RALGAPA1: variants seen among roughly 807,000 people sequenced by gnomAD.
The protein encoded by RALGAPA1 is ral GTPase-activating protein subunit alpha-1.
RALGAPA1 carries 52 observed loss-of-function variants against 269.6 expected under a neutral mutation model. The ratio of observed to expected loss-of-function variants is 0.19; its 90% CI spans 0.15 to 0.24. The LOEUF is 0.24. Among genes scored for constraint, RALGAPA1 ranks in the 10% least tolerant of loss-of-function variants. The pLI is 1.00. For synonymous variants in RALGAPA1, 817 were observed against 1,008.3 expected (o/e 0.81, Z 3.60); for missense variants, 1,917 against 3,013.9 (o/e 0.64, Z 8.52).
intron 35 of RALGAPA1, among the ~76,000 whole-genome samples, chr14:35,616,208 G>T (rs1440335554): frequency 1.2e-4 from 19 of 152,078 alleles, no homozygotes; most frequent in Admixed American, 1.2e-3. Context: ...AGGAAGATCC[G>T]ATTTTGAAAA....
intron 1 of RALGAPA1, among the ~76,000 whole-genome samples, chr14:35,779,927 T>A (rs1238636397): frequency 1.3e-5 from 2 of 152,094 alleles, no homozygotes; most frequent in African/African-American, 4.8e-5. Context: ...ATTGAGACCA[T>A]CCTGGCCAAC....
Position 35,685,029 on chromosome 14 carries a change from T to C in RALGAPA1, c.4194A>G (p.Glu1398=). 6.2e-7 allele frequency: 1 copy of C among 1,611,396 alleles called. No homozygotes were observed. The highest frequency in any genetic ancestry group is 2.2e-5 in the East Asian group (1 of 44,776). The part of the protein sequence containing the change: ...RPIDDPGVPS[E]WTSPASAGSS... The stretch of plus-strand genomic sequence containing the variant: ...TCCCTGCACTGGCAGGAGAAGTCCA[T>C]TCTGAGGGCACACCTGGGTCATCAA... Residue 1398 remains glutamate (E), a synonymous_variant, in exon 20 of 42, where the codon GAA becomes GAG. Coordinates refer to ENST00000680220, the MANE Select transcript of RALGAPA1 (RefSeq NM_001346249.2).
intron 31 of RALGAPA1, among the ~76,000 whole-genome samples, chr14:35,642,977 T>A (rs2062125543): frequency 6.6e-6 from 1 of 152,048 alleles, no homozygotes; most frequent in Non-Finnish European, 1.5e-5. Context: ...ATGTGGCAAA[T>A]ATACACCATG....
intron 1 of RALGAPA1, among the ~76,000 whole-genome samples, chr14:35,779,242 T>C (rs1431146095): frequency 6.6e-6 from 1 of 152,100 alleles, no homozygotes; most frequent in Admixed American, 6.6e-5. Flanking sequence ...AAAACAGGCT[T>C]GGGCTGGGCA....
At chr14:35,544,119 T>C (rs773775884) in intron 41 of RALGAPA1, among the ~76,000 whole-genome samples, 75 of 152,360 alleles carry the variant, frequency 4.9e-4, no homozygotes, top group South Asian at 2.5e-3. Flanking sequence ...TGCATTTATA[T>C]GGATAACAAC....
Position 35,548,496 on chromosome 14 carries a change from A to G in RALGAPA1, c.*23+12T>C. 1 of 1,550,260 alleles carries G rather than the reference A, an allele frequency of 6.5e-7. No individual in the cohort carries two copies. Among genetic ancestry groups the G allele is most frequent in the Non-Finnish European group, 8.7e-7 (1 of 1,147,340 alleles). The stretch of plus-strand genomic sequence containing the variant: ...AAGAACAGAGGGTGTTTTGGTTGAC[A>G]CTTTGTCTTACCTTCAGATAAACAG... On this transcript the variant is annotated intron_variant, in intron 41 of 41. Coordinates refer to ENST00000680220, the MANE Select transcript of RALGAPA1 (RefSeq NM_001346249.2).
chr14:35,696,676 T>G (rs1247782146), intron 17 of RALGAPA1, among the ~76,000 whole-genome samples: 1 of 152,160 alleles, frequency 6.6e-6, no homozygotes, highest in Non-Finnish European at 1.5e-5. Context: ...ATAAATATTT[T>G]TCTAACAAAT....
intron 16 of RALGAPA1, among the ~76,000 whole-genome samples, chr14:35,720,761 T>C (rs775154925): frequency 1.9e-4 from 29 of 152,136 alleles, no homozygotes; most frequent in Non-Finnish European, 3.7e-4. Flanking sequence ...ACCCTGTCTC[T>C]ATGAAAAATA....
At position 35,689,941 on chromosome 14, in the gene RALGAPA1, C is replaced by T. The variant is rs752369902; in HGVS notation, c.2470G>A (p.Glu824Lys). 1 of 1,601,886 alleles carries T rather than the reference C, an allele frequency of 6.2e-7. No individual in the cohort carries two copies. The highest frequency in any genetic ancestry group is 8.5e-7 in the Non-Finnish European group (1 of 1,176,042). ...GCACCAAAAACTTCATTTCCAGTTT[C>T]TTCACTTTGTGAAAAATGTCTGACT... The part of the protein sequence containing the change: ...TRVRHFSQSE[E>K]TGNEVFGALN... Residue 824 changes from glutamate (E) to lysine (K), a missense_variant, in exon 18 of 42, where the codon GAA becomes AAA. Physicochemically the swap from Glu to Lys is moderately conservative, Grantham distance 56 (BLOSUM62 1). Around this residue, in one of 11 missense-constraint regions of RALGAPA1, gnomAD observed 125 missense variants for 155.7 expected, o/e 0.80. Transcript: ENST00000680220.
chr14:35,715,765 A>C (rs1051075591), intron 16 of RALGAPA1: 5 of 985,244 alleles, frequency 5.1e-6, no homozygotes, highest in East Asian at 2.3e-4. Context: ...TCTTCAATTC[A>C]GTCATCCAAC....
chr14:35,613,725 A>C (rs140167533), intron 35 of RALGAPA1, among the ~76,000 whole-genome samples: 1 of 152,334 alleles, frequency 6.6e-6, no homozygotes, highest in Non-Finnish European at 1.5e-5. Flanking sequence ...ATAAGGACAC[A>C]AGTAATCAGA....
intron 1 of RALGAPA1, 70 bp from the exon 2 acceptor site, chr14:35,775,815 CAA>C (rs2074981462): frequency 7.3e-7 from 1 of 1,369,846 alleles, no homozygotes; most frequent in Non-Finnish European, 9.5e-7. Flanking sequence ...TATTCAGCGA[CAA>C]GTTTCCTTCA....
At chr14:35,600,228 T>TC (rs2059202320) in intron 36 of RALGAPA1, among the ~76,000 whole-genome samples, 1 of 108,348 alleles carries the variant, frequency 9.2e-6, no homozygotes, top group African/African-American at 5.5e-5. Flanking sequence ...CTTTTTCTTT[T>TC]TTTCTTTTTT....
intron 35 of RALGAPA1, among the ~76,000 whole-genome samples, chr14:35,620,210 G>A (rs1189744103): frequency 1.3e-5 from 2 of 152,068 alleles, no homozygotes; most frequent in East Asian, 1.9e-4. Flanking sequence ...TCCAACATAC[G>A]CAAATCAATA....
At chr14:35,734,481 T>C (rs181902115) in intron 12 of RALGAPA1, among the ~76,000 whole-genome samples, 79 of 152,294 alleles carry the variant, frequency 5.2e-4, no homozygotes, top group African/African-American at 1.7e-3. Flanking sequence ...TAAATGGTGC[T>C]GGGATGATAG....
At chr14:35,748,441 T>TG (rs2072344173) in intron 10 of RALGAPA1, 144 bp downstream of exon 10, 1 of 1,008,920 alleles carries the variant, frequency 9.9e-7, no homozygotes, top group Admixed American at 3.9e-5. Context: ...CTCAAACTCC[T>TG]GGGCTCAAGC....
intron 10 of RALGAPA1, among the ~76,000 whole-genome samples, chr14:35,746,441 G>T (rs1200883164): frequency 2.0e-5 from 3 of 152,164 alleles, no homozygotes; most frequent in African/African-American, 7.2e-5. Flanking sequence ...TCTATGTAAG[G>T]CCATGATTAT....
In RALGAPA1 at chr14:35,707,731, C is replaced by A. The variant is rs775353805; in HGVS notation, c.2267-7429G>T. 6.6e-5 allele frequency: 10 copies of A among 152,138 alleles called. 1 individual carries two copies. The highest frequency in any genetic ancestry group is 1.3e-4 in the Non-Finnish European group (9 of 67,994). The allele number at this position is 152,138 out of a possible 1,614,324, so 9.4% of individuals were successfully genotyped here. ...TAGACTTCACCATCTGGGCCTGGTG[C>A]TTTCTAATTTGGAAGGTTGTTAGTT... On this transcript the variant is annotated intron_variant, in intron 16 of 41. Transcript: ENST00000680220.
intron 11 of RALGAPA1, among the ~76,000 whole-genome samples, chr14:35,740,740 G>A (rs1370590185): frequency 6.6e-6 from 1 of 152,148 alleles, no homozygotes; most frequent in Non-Finnish European, 1.5e-5. Context: ...CCCGGGAGGT[G>A]GAGGTTACAG....
Sources: allele counts gnomAD v4.1 joint callset (sites outside exome capture counted in the v4.1 genomes callset), GRCh38; gene constraint gnomAD v4.1.1; regional missense constraint gnomAD v4.1.1; transcripts MANE v1.5; gene names NCBI Gene and HGNC (gene_info 2026-07-23, HGNC 2026-07-21).